Variants in GABRA3 observed in about 807,000 individuals in gnomAD.
GABRA3 encodes gamma-aminobutyric acid receptor subunit alpha-3.
In GABRA3, 10 loss-of-function variants were observed where a neutral mutation model predicts 30.1. That is an observed-to-expected ratio of 0.33 (90% CI 0.20 to 0.56). GABRA3 has a LOEUF of 0.56. GABRA3 is among the 20% of genes least tolerant of loss of function. The probability of loss-of-function intolerance (pLI) is 0.89; values close to 1 mark genes in which losing one functional copy is unlikely to be tolerated. For synonymous variants in GABRA3, 151 were observed against 146.8 expected, an observed-to-expected ratio of 1.03 and a Z score of -0.21; for missense variants, 233 against 392.0, an observed-to-expected ratio of 0.59 and a Z score of 3.42.
At chrX:152,433,706 C>CAA (rs199848886) in intron 1 of GABRA3, among the ~76,000 whole-genome samples, 6 of 58,451 alleles carry the variant, frequency 1.0e-4, no homozygotes, top group African/African-American at 2.9e-4. Context: ...GAAGGAAGAC[C>CAA]AAAAAAAAAA....
chrX:152,192,577 T>C (rs1158019165), intron 8 of GABRA3, among the ~76,000 whole-genome samples: 1 of 111,464 alleles, frequency 9.0e-6, no homozygotes, highest in Non-Finnish European at 1.9e-5. Flanking sequence ...TCTCCAACAC[T>C]GCTAACTGTT....
intron 5 of GABRA3, among the ~76,000 whole-genome samples, chrX:152,225,442 A>ACACACGCG (rs1242600589): frequency 1.4e-3 from 145 of 107,203 alleles, no homozygotes; most frequent in African/African-American, 4.8e-3. Context: ...GCACACACAC[A>ACACACGCG]CACACACACA....
At chrX:152,259,673 CCG>C (rs763471096) in intron 4 of GABRA3, among the ~76,000 whole-genome samples, 2 of 110,595 alleles carry the variant, frequency 1.8e-5, no homozygotes, top group African/African-American at 6.6e-5. Flanking sequence ...GGAACGAACC[CCG>C]GCAGGATTTA....
intron 9 of GABRA3, among the ~76,000 whole-genome samples, chrX:152,179,343 G>C (rs374539258): frequency 9.0e-6 from 1 of 110,665 alleles, no homozygotes; most frequent in Admixed American, 9.7e-5. Flanking sequence ...CAAGAATACA[G>C]AACATTGCTA....
Position 152,415,113 on chromosome X carries a change from C to T in GABRA3, c.-27+36033G>A, listed in dbSNP as rs144462308. ...AATGCATTATACATTTGTCAAAACC[C>T]ACAGAACTGTGCAACACAGAGTGAA... On this transcript the variant is annotated intron_variant, in intron 1 of 9. Transcript: ENST00000370314. 6.9e-3 allele frequency among the ~76,000 whole-genome samples: 761 copies of T among 110,813 alleles called. 11 individuals carry two copies. Among genetic ancestry groups the T allele is most frequent in the African/African-American group, 0.023 (711 of 30,616 alleles).
At chrX:152,230,987 A>G (rs1000500369) in intron 5 of GABRA3, among the ~76,000 whole-genome samples, 1 of 110,362 alleles carries the variant, frequency 9.1e-6, no homozygotes, top group African/African-American at 3.3e-5. Context: ...TGCTTGTCAA[A>G]AGATACCTTT....
intron 2 of GABRA3, among the ~76,000 whole-genome samples, chrX:152,361,917 G>A (rs1053294015): frequency 3.6e-5 from 4 of 112,014 alleles, no homozygotes; most frequent in African/African-American, 1.3e-4. Context: ...AATGTAAAAG[G>A]CTTTAACACT....
At chrX:152,284,304 T>A (rs1165023504) in intron 4 of GABRA3, among the ~76,000 whole-genome samples, 2 of 111,412 alleles carry the variant, frequency 1.8e-5, no homozygotes, top group Non-Finnish European at 3.8e-5. Context: ...TTACTGAGAA[T>A]CCCCACCACA....
At chrX:152,278,961 GT>G (rs1245036100) in intron 4 of GABRA3, among the ~76,000 whole-genome samples, 46 of 111,471 alleles carry the variant, frequency 4.1e-4, no homozygotes, top group African/African-American at 1.4e-3. Context: ...GGGGTTGTTT[GT>G]TTTTTTCTTG....
chrX:152,289,014 CAT>C (rs1478941429), intron 3 of GABRA3, among the ~76,000 whole-genome samples: 1 of 109,499 alleles, frequency 9.1e-6, no homozygotes, highest in Non-Finnish European at 1.9e-5. Flanking sequence ...TACACATACA[CAT>C]GATTACACAC....
At chrX:152,351,911 A>G (rs1482823859) in intron 2 of GABRA3, among the ~76,000 whole-genome samples, 2 of 111,514 alleles carry the variant, frequency 1.8e-5, no homozygotes, top group East Asian at 5.6e-4. Context: ...GGAGAGGGAG[A>G]GAGACAGGGG....
chrX:152,448,770 T>A (rs1233844828), intron 1 of GABRA3, among the ~76,000 whole-genome samples: 1 of 111,777 alleles, frequency 8.9e-6, no homozygotes, highest in Non-Finnish European at 1.9e-5. Flanking sequence ...TGAAAATTCC[T>A]GCCACTCAAA....
chrX:152,325,293 G>A (rs1940035822), intron 3 of GABRA3, among the ~76,000 whole-genome samples: 1 of 112,022 alleles, frequency 8.9e-6, no homozygotes, highest in Admixed American at 9.5e-5. Flanking sequence ...CCCAGCGTGA[G>A]CAATGCAGAA....
intron 5 of GABRA3, among the ~76,000 whole-genome samples, chrX:152,239,200 T>C (rs1256495911): frequency 1.0e-5 from 1 of 99,239 alleles, no homozygotes; most frequent in Non-Finnish European, 2.0e-5. Flanking sequence ...TGTGTCTTTG[T>C]TCTCGTTGGT....
intron 5 of GABRA3, among the ~76,000 whole-genome samples, chrX:152,241,545 T>TC (rs1938371568): frequency 9.2e-6 from 1 of 108,397 alleles, no homozygotes; most frequent in Non-Finnish European, 1.9e-5. Flanking sequence ...AGTTCGAGCT[T>TC]CCCGGCTGCT....
chrX:152,403,033 CTTTA>C (rs1440129955), intron 1 of GABRA3, among the ~76,000 whole-genome samples: 1 of 111,327 alleles, frequency 9.0e-6, no homozygotes, highest in Non-Finnish European at 1.9e-5. Context: ...AGAGTTAATA[CTTTA>C]TTTATGTGAA....
chrX:152,232,545 TA>T (rs1938102587), intron 5 of GABRA3, among the ~76,000 whole-genome samples: 1 of 109,883 alleles, frequency 9.1e-6, no homozygotes, highest in Non-Finnish European at 1.9e-5. Context: ...TTGTTTCACG[TA>T]AGGTAACGAC....
At chrX:152,387,469 T>G in intron 1 of GABRA3, among the ~76,000 whole-genome samples, 1 of 111,697 alleles carries the variant, frequency 9.0e-6, no homozygotes. Flanking sequence ...ATAAGTTCGT[T>G]ACAGGCTTCT....
intron 3 of GABRA3, among the ~76,000 whole-genome samples, chrX:152,326,237 C>A (rs186135778): frequency 5.4e-5 from 6 of 111,583 alleles, no homozygotes; most frequent in African/African-American, 2.0e-4. Context: ...ATTGGTGTAC[C>A]TGAAAGTGAT....
Sources: gnomAD v4.1 joint callset for allele counts (sites outside exome capture counted in the v4.1 genomes callset) on GRCh38, gnomAD v4.1.1 for gene constraint, MANE v1.5 for transcripts, NCBI Gene and HGNC (gene_info 2026-07-23, HGNC 2026-07-21) for gene names.